Variants in KCNMB2 observed in about 807,000 individuals in gnomAD.
KCNMB2 encodes potassium calcium-activated channel subfamily M regulatory beta subunit 2, also known as calcium-activated potassium channel subunit beta-2.
Under a neutral mutation model 24.5 loss-of-function variants are expected in KCNMB2, and 9 were observed. That is an observed-to-expected ratio of 0.37 (90% confidence interval 0.22 to 0.64). KCNMB2 has a LOEUF of 0.64. Among genes scored for constraint, KCNMB2 ranks in the 30% least tolerant of loss-of-function variants. KCNMB2 has a pLI of 0.63. For missense variants in KCNMB2, 226 were observed against 284.3 expected, an observed-to-expected ratio of 0.79 and a Z score of 1.47; for synonymous variants, 109 against 104.4, an observed-to-expected ratio of 1.04 and a Z score of -0.27.
chr3:178,575,312 G>A (rs931008753), intron 1 of KCNMB2, among the ~76,000 whole-genome samples: 1 of 152,048 alleles, frequency 6.6e-6, no homozygotes, highest in Non-Finnish European at 1.5e-5. Flanking sequence ...GGGGTAGGGG[G>A]TTATGTCACA....
rs184773672 is a variant in KCNMB2, at chr3:178,699,603, G to T, written c.-67-107740G>T. 4.4e-4 allele frequency among the ~76,000 whole-genome samples: 67 copies of T among 152,290 alleles called. 1 individual carries two copies. The East Asian group carries it at 0.012, about 27-fold the overall frequency. On this transcript the variant is annotated intron_variant, in intron 1 of 4. Transcript: ENST00000452583. ...CTCTGTAAGCTGGCATGACCAGGCT[G>T]GGGCCCTGGGAGAGGCCAGGAGACC...
chr3:178,742,425 T>C (rs1723524758), intron 1 of KCNMB2, among the ~76,000 whole-genome samples: 1 of 152,226 alleles, frequency 6.6e-6, no homozygotes, highest in African/African-American at 2.4e-5. Context: ...ACATTGGATT[T>C]GCCTCAAATT....
In KCNMB2 at chr3:178,784,874, T is replaced by TAAAAAAAAAAAA. The variant is rs67483966; in HGVS notation, c.-67-22458_-67-22447dup. Among the ~76,000 whole-genome samples, 3 of 121,394 alleles carry TAAAAAAAAAAAA rather than the reference T, an allele frequency of 2.5e-5. 1 individual carries two copies. The highest frequency in any genetic ancestry group is 5.0e-5 in the Non-Finnish European group (3 of 59,950). The allele number at this position is 121,394 out of a possible 152,430, so 79.6% of individuals were successfully genotyped here. The stretch of plus-strand genomic sequence containing the variant: ...CTAAGTGGCCTTTTACCTGAAGCCT[T>TAAAAAAAAAAAA]AAAAAAAAAAAAAAAAAAAAAACTA... On this transcript the variant is annotated intron_variant, in intron 1 of 4. Transcript: ENST00000452583.
At chr3:178,584,852 A>G (rs1008732570) in intron 1 of KCNMB2, among the ~76,000 whole-genome samples, 5 of 152,110 alleles carry the variant, frequency 3.3e-5, no homozygotes, top group African/African-American at 1.2e-4. Context: ...TGATTATCAC[A>G]CCTGCTATTT....
Position 178,672,647 on chromosome 3 carries a change from T to G in KCNMB2, c.-67-134696T>G, listed in dbSNP as rs565601134. ...TGCTAACACTGACTTCGTGACTTCA[T>G]ACACCCACAGAGAAATGTGCCCATG... On this transcript the variant is annotated intron_variant, in intron 1 of 4. Coordinates refer to ENST00000452583, the MANE Select transcript of KCNMB2 (RefSeq NM_181361.3). Among the ~76,000 whole-genome samples, 36 of 152,344 alleles carry G rather than the reference T, an allele frequency of 2.4e-4. No homozygotes were observed. In the South Asian group the frequency reaches 6.6e-3, roughly 28 times the overall value.
chr3:178,698,907 C>T (rs1236687332), intron 1 of KCNMB2, among the ~76,000 whole-genome samples: 2 of 152,236 alleles, frequency 1.3e-5, no homozygotes, highest in African/African-American at 4.8e-5. Context: ...AACTGCTAGA[C>T]TGCATGCTCC....
intron 1 of KCNMB2, among the ~76,000 whole-genome samples, chr3:178,706,299 G>A (rs1322984170): frequency 6.6e-6 from 1 of 152,110 alleles, no homozygotes; most frequent in East Asian, 1.9e-4. Context: ...ATAATTAAAT[G>A]AGATAATGTA....
intron 2 of KCNMB2, among the ~76,000 whole-genome samples, chr3:178,818,186 CTACT>C (rs759950911): frequency 2.0e-5 from 3 of 152,160 alleles, no homozygotes; most frequent in East Asian, 1.9e-4. Flanking sequence ...GTTTCTCTGA[CTACT>C]TAAAGAGTCT....
At chr3:178,758,692 C>A (rs1057077718) in intron 1 of KCNMB2, among the ~76,000 whole-genome samples, 541 of 6,112 alleles carry the variant, frequency 0.089, 56 homozygotes, top group African/African-American at 0.26. Flanking sequence ...ATATATATCT[C>A]TCTCTCTACA....
intron 1 of KCNMB2, among the ~76,000 whole-genome samples, chr3:178,784,515 T>C (rs1713016450): frequency 6.6e-6 from 1 of 152,148 alleles, no homozygotes; most frequent in African/African-American, 2.4e-5. Context: ...GTTATTTATG[T>C]TATTTATAGG....
At chr3:178,760,456 C>G (rs182976787) in intron 1 of KCNMB2, among the ~76,000 whole-genome samples, 3 of 125,906 alleles carry the variant, frequency 2.4e-5, no homozygotes, top group African/African-American at 9.1e-5. Context: ...ATATATATAT[C>G]CATATCCAAG....
chr3:178,619,684 A>G (rs1474310923), intron 1 of KCNMB2, among the ~76,000 whole-genome samples: 12 of 152,186 alleles, frequency 7.9e-5, no homozygotes, highest in Admixed American at 7.9e-4. Flanking sequence ...AATGAATTTC[A>G]TTTCCATCAT....
At chr3:178,661,453 T>A (rs938678500) in intron 1 of KCNMB2, among the ~76,000 whole-genome samples, 6 of 152,018 alleles carry the variant, frequency 3.9e-5, no homozygotes, top group Middle Eastern at 3.4e-3. Flanking sequence ...ACATTTTTTT[T>A]AATAAAGAGA....
At chr3:178,634,587 C>T (rs1396223350) in intron 1 of KCNMB2, among the ~76,000 whole-genome samples, 1 of 152,106 alleles carries the variant, frequency 6.6e-6, no homozygotes, top group African/African-American at 2.4e-5. Context: ...CCCACCAGGT[C>T]CTTCCCATGA....
At chr3:178,624,613 T>TTTTTTTA (rs1491539079) in intron 1 of KCNMB2, among the ~76,000 whole-genome samples, 1 of 148,404 alleles carries the variant, frequency 6.7e-6, no homozygotes, top group African/African-American at 2.5e-5. Flanking sequence ...TTTTTTTTTT[T>TTTTTTTA]AAAAAAGGCA....
intron 1 of KCNMB2, among the ~76,000 whole-genome samples, chr3:178,766,235 C>A (rs1331483068): frequency 6.6e-6 from 1 of 152,108 alleles, no homozygotes; most frequent in Non-Finnish European, 1.5e-5. Context: ...TCTCTGTCAC[C>A]CAGGCTGGAG....
intron 1 of KCNMB2, among the ~76,000 whole-genome samples, chr3:178,746,358 C>T (rs1424146722): frequency 6.6e-6 from 1 of 152,156 alleles, no homozygotes; most frequent in African/African-American, 2.4e-5. Context: ...AGCTGGGACA[C>T]AGGGCACCAA....
intron 1 of KCNMB2, among the ~76,000 whole-genome samples, chr3:178,560,979 A>G (rs961160435): frequency 6.6e-6 from 1 of 152,206 alleles, no homozygotes; most frequent in Non-Finnish European, 1.5e-5. Context: ...TCAGAAGCAC[A>G]CAGCAGAGTA....
chr3:178,581,302 C>G (rs975703553), intron 1 of KCNMB2, among the ~76,000 whole-genome samples: 6 of 152,150 alleles, frequency 3.9e-5, no homozygotes, highest in Non-Finnish European at 7.3e-5. Context: ...GTTGGGAAAA[C>G]TGGCTAGCCA....
Sources: gnomAD v4.1 joint callset for allele counts (sites outside exome capture counted in the v4.1 genomes callset) on GRCh38, gnomAD v4.1.1 for gene constraint, MANE v1.5 for transcripts, NCBI Gene and HGNC (gene_info 2026-07-23, HGNC 2026-07-21) for gene names.